Variants in RGS7BP observed in about 807,000 individuals in gnomAD.
RGS7BP encodes the protein regulator of G protein signaling 7-binding protein.
RGS7BP carries 9 observed loss-of-function variants against 31.3 expected under a neutral mutation model. The observed-to-expected ratio is 0.29, with a 90% CI of 0.17 to 0.50. The LOEUF (loss-of-function observed/expected upper bound fraction) is 0.50, where lower values mean the gene tolerates loss of function less well. RGS7BP is among the 20% of genes least tolerant of loss of function. The pLI is 0.98. For synonymous variants in RGS7BP, 115 were observed against 120.1 expected (o/e 0.96, Z 0.28); for missense variants, 274 against 322.0 (o/e 0.85, Z 1.14).
intron 5 of RGS7BP, among the ~76,000 whole-genome samples, chr5:64,600,447 A>G (rs1554058533): frequency 6.6e-6 from 1 of 152,180 alleles, no homozygotes; most frequent in Non-Finnish European, 1.5e-5. Context: ...TAAATATTTT[A>G]TGTGACTTTG....
chr5:64,549,748 A>G (rs1741744827), intron 2 of RGS7BP, among the ~76,000 whole-genome samples: 1 of 152,244 alleles, frequency 6.6e-6, no homozygotes, highest in East Asian at 1.9e-4. Context: ...TTCTCTTCAG[A>G]ACAAGCTTTC....
chr5:64,510,155 C>T (rs919369337), intron 2 of RGS7BP, among the ~76,000 whole-genome samples: 3 of 152,100 alleles, frequency 2.0e-5, no homozygotes, highest in Non-Finnish European at 4.4e-5. Flanking sequence ...GGATTTCTTG[C>T]GCGCCCACTA....
At chr5:64,573,267 C>G (rs553148453) in intron 2 of RGS7BP, among the ~76,000 whole-genome samples, 1 of 151,956 alleles carries the variant, frequency 6.6e-6, no homozygotes, top group Admixed American at 6.6e-5. Context: ...TCAGAAGCAC[C>G]TAATACATTG....
chr5:64,604,445 T>C (rs1743303597), intron 5 of RGS7BP, among the ~76,000 whole-genome samples: 2 of 152,150 alleles, frequency 1.3e-5, no homozygotes, highest in African/African-American at 4.8e-5. Flanking sequence ...AGGGACTATC[T>C]TTCTATTAGG....
At chr5:64,535,097 G>A (rs1427958687) in intron 2 of RGS7BP, among the ~76,000 whole-genome samples, 6 of 152,080 alleles carry the variant, frequency 3.9e-5, no homozygotes, top group African/African-American at 1.4e-4. Context: ...TGTGAGAGAG[G>A]TTCTTGGTGA....
intron 3 of RGS7BP, among the ~76,000 whole-genome samples, chr5:64,576,978 G>C (rs998274105): frequency 5.3e-5 from 8 of 152,188 alleles, no homozygotes; most frequent in African/African-American, 1.9e-4. Context: ...AAAGGCCAGA[G>C]AACTTAGAAA....
At chr5:64,539,340 A>T (rs1437946832) in intron 2 of RGS7BP, among the ~76,000 whole-genome samples, 1 of 152,154 alleles carries the variant, frequency 6.6e-6, no homozygotes, top group Non-Finnish European at 1.5e-5. Flanking sequence ...TTTTCTTAAC[A>T]GTGTTTTTCA....
intron 2 of RGS7BP, among the ~76,000 whole-genome samples, chr5:64,565,182 G>A (rs1168997900): frequency 6.6e-6 from 1 of 152,034 alleles, no homozygotes; most frequent in Non-Finnish European, 1.5e-5. Context: ...GCTAGGCACT[G>A]TTATCCTCAA....
In RGS7BP at chr5:64,516,937, G is replaced by C. The variant is rs1748992198; in HGVS notation, c.332+9060G>C. Among the ~76,000 whole-genome samples, 3 of 143,118 alleles carry C rather than the reference G, an allele frequency of 2.1e-5. No individual in the cohort carries two copies. In the South Asian group the frequency reaches 6.6e-4, roughly 32 times the overall value. The allele number at this position is 143,118 out of a possible 152,430, so 93.9% of individuals were successfully genotyped here. ...GCTTCCCAAGTGTGCATCTGTATCAGAAAAGATTATACTTGGCTATATTTA... is the reference window on the plus strand; with the variant it reads ...GCTTCCCAAGTGTGCATCTGTATCACAAAAGATTATACTTGGCTATATTTA... On this transcript the variant is annotated intron_variant, in intron 2 of 5. Coordinates refer to ENST00000334025, the MANE Select transcript of RGS7BP (RefSeq NM_001029875.3).
At chr5:64,570,702 G>T (rs2111886853) in intron 2 of RGS7BP, among the ~76,000 whole-genome samples, 1 of 152,058 alleles carries the variant, frequency 6.6e-6, no homozygotes, top group African/African-American at 2.4e-5. Flanking sequence ...CAGTGGTTTT[G>T]ATTAATTTAT....
chr5:64,592,385 C>A (rs1287180462), intron 3 of RGS7BP, among the ~76,000 whole-genome samples: 1 of 152,108 alleles, frequency 6.6e-6, no homozygotes, highest in African/African-American at 2.4e-5. Flanking sequence ...TTTACAAGCC[C>A]ATAGGGCTGT....
At chr5:64,544,381 A>C (rs60496505) in intron 2 of RGS7BP, among the ~76,000 whole-genome samples, 47,586 of 151,950 alleles carry the variant, frequency 0.31, 8,207 homozygotes, top group East Asian at 0.66. Flanking sequence ...TGAGACTTGA[A>C]GATGTATAGG....
chr5:64,611,105 T>C lies in RGS7BP; in HGVS notation c.*1853T>C, dbSNP rs964737615. ...GCTATTTAAAGACTCTTAGGGTAAA[T>C]ACTCCCTGGAAAAGCAAGCAATCCA... On this transcript the variant is annotated 3_prime_UTR_variant, in exon 6 of 6. Coordinates refer to ENST00000334025, the MANE Select transcript of RGS7BP (RefSeq NM_001029875.3). The C allele has an allele frequency of 6.6e-6, 1 of 151,904 alleles. No individual in the cohort carries two copies. The highest frequency in any genetic ancestry group is 2.4e-5 in the African/African-American group (1 of 41,388). The allele number at this position is 151,904 out of a possible 1,614,324, so 9.4% of individuals were successfully genotyped here. A position where few individuals can be genotyped will look rare whatever the true frequency, so the allele number is the denominator to read the frequency against.
chr5:64,551,517 C>G (rs1458603440), intron 2 of RGS7BP, among the ~76,000 whole-genome samples: 1 of 151,694 alleles, frequency 6.6e-6, no homozygotes, highest in Non-Finnish European at 1.5e-5. Context: ...CCGGCCTTAG[C>G]CTCCTAAATT....
At chr5:64,534,636 G>A (rs1388462753) in intron 2 of RGS7BP, among the ~76,000 whole-genome samples, 4 of 152,124 alleles carry the variant, frequency 2.6e-5, no homozygotes, top group Non-Finnish European at 4.4e-5. Context: ...GTCTAGGTGA[G>A]GTACCCTTTG....
chr5:64,578,320 A>T (rs1039152616), intron 3 of RGS7BP, among the ~76,000 whole-genome samples: 2 of 152,208 alleles, frequency 1.3e-5, no homozygotes, highest in African/African-American at 4.8e-5. Flanking sequence ...ACCTGATAGT[A>T]CCTTTGATTT....
chr5:64,528,510 C>A (rs1487827682), intron 2 of RGS7BP, among the ~76,000 whole-genome samples: 1 of 152,060 alleles, frequency 6.6e-6, no homozygotes, highest in Non-Finnish European at 1.5e-5. Context: ...TGAGTTTCCA[C>A]CCCTGAAAAA....
At chr5:64,586,512 A>C (rs765814923) in intron 3 of RGS7BP, among the ~76,000 whole-genome samples, 4 of 152,222 alleles carry the variant, frequency 2.6e-5, no homozygotes, top group Non-Finnish European at 4.4e-5. Context: ...TATGAAGGTC[A>C]TAACTTTCTT....
intron 2 of RGS7BP, among the ~76,000 whole-genome samples, chr5:64,533,418 T>C (rs1749422535): frequency 6.6e-6 from 1 of 152,146 alleles, no homozygotes. Context: ...TCCATAAATA[T>C]CTCCCAGAAC....
Sources: allele counts gnomAD v4.1 joint callset (sites outside exome capture counted in the v4.1 genomes callset), GRCh38; gene constraint gnomAD v4.1.1; transcripts MANE v1.5; gene names NCBI Gene and HGNC (gene_info 2026-07-23, HGNC 2026-07-21).